The following PLCB4 variants were observed in gnomAD, a reference collection of about 807,000 sequenced individuals.
PLCB4 encodes phospholipase C beta 4.
PLCB4 carries 77 observed loss-of-function variants against 178.8 expected under a neutral mutation model. The ratio of observed to expected loss-of-function variants is 0.43; its 90% CI spans 0.36 to 0.52. PLCB4 has a LOEUF of 0.52. PLCB4 is among the 20% of genes least tolerant of loss of function. The pLI is 0.00. For synonymous variants in PLCB4, 496 were observed against 490.8 expected (o/e 1.01, Z -0.14); for missense variants, 1,024 against 1,453.4 (o/e 0.70, Z 4.80).
intron 2 of PLCB4, among the ~76,000 whole-genome samples, chr20:9,167,577 AGCCATT>A (rs957580497): frequency 1.3e-5 from 2 of 152,206 alleles, no homozygotes; most frequent in African/African-American, 4.8e-5. Flanking sequence ...AAAGTTAATG[AGCCATT>A]ATGTAAAATT....
chr20:9,197,306 A>G (rs2093484181), intron 2 of PLCB4, among the ~76,000 whole-genome samples: 1 of 152,164 alleles, frequency 6.6e-6, no homozygotes, highest in African/African-American at 2.4e-5. Context: ...GCTGTCCAAT[A>G]TGGGCACCAC....
chr20:9,268,915 T>C (rs2040041608), intron 3 of PLCB4, among the ~76,000 whole-genome samples: 1 of 152,346 alleles, frequency 6.6e-6, no homozygotes, highest in Middle Eastern at 3.4e-3. Flanking sequence ...ATCCTCATTG[T>C]TGCATTTCTC....
chr20:9,335,925 A>T (rs962097980), intron 4 of PLCB4, among the ~76,000 whole-genome samples: 13 of 152,058 alleles, frequency 8.5e-5, no homozygotes, highest in Admixed American at 2.6e-4. Flanking sequence ...TTGTTCAGGG[A>T]CCCCTAGGAC....
At chr20:9,334,249 A>C (rs1256833746) in intron 4 of PLCB4, among the ~76,000 whole-genome samples, 1 of 152,154 alleles carries the variant, frequency 6.6e-6, no homozygotes, top group African/African-American at 2.4e-5. Flanking sequence ...AGATCAACTC[A>C]GGTGAGGAAA....
chr20:9,187,825 A>G (rs2093349486), intron 2 of PLCB4, among the ~76,000 whole-genome samples: 1 of 152,206 alleles, frequency 6.6e-6, no homozygotes, highest in African/African-American at 2.4e-5. Context: ...AGAAGATTCA[A>G]GGGTGGGTTG....
At chr20:9,206,001 C>A (rs1412321176) in intron 2 of PLCB4, among the ~76,000 whole-genome samples, 1 of 152,062 alleles carries the variant, frequency 6.6e-6, no homozygotes, top group African/African-American at 2.4e-5. Context: ...TGTAATGATG[C>A]CACTAGAAAG....
intron 3 of PLCB4, among the ~76,000 whole-genome samples, chr20:9,233,059 A>G (rs997632991): frequency 1.3e-5 from 2 of 152,136 alleles, no homozygotes; most frequent in Admixed American, 6.6e-5. Context: ...AAGGCTGACA[A>G]TGCCAAAATG....
chr20:9,235,078 A>C (rs1249788962), intron 3 of PLCB4, among the ~76,000 whole-genome samples: 1 of 152,162 alleles, frequency 6.6e-6, no homozygotes, highest in East Asian at 1.9e-4. Context: ...TGTGATGGAC[A>C]ATGGAATATA....
chr20:9,411,010 T>C (rs751046061), intron 24 of PLCB4, 27 bp from the exon 25 acceptor site: 1 of 1,577,322 alleles, frequency 6.3e-7, no homozygotes, highest in South Asian at 1.1e-5. Flanking sequence ...GAAGACAAGA[T>C]GCTAAATTAT....
chr20:9,406,741 C>T (rs1319015556), intron 21 of PLCB4, among the ~76,000 whole-genome samples: 1 of 152,070 alleles, frequency 6.6e-6, no homozygotes, highest in Non-Finnish European at 1.5e-5. Flanking sequence ...ATGATCCACC[C>T]GCCTCAGCCT....
At chr20:9,136,291 C>A (rs758297875) in intron 2 of PLCB4, among the ~76,000 whole-genome samples, 4 of 152,004 alleles carry the variant, frequency 2.6e-5, no homozygotes, top group Non-Finnish European at 5.9e-5. Context: ...CTGGGAAGCA[C>A]CCGTAGGGGA....
In PLCB4 at chr20:9,288,852, A is replaced by T. The variant is rs537921248; in HGVS notation, c.-15-18948A>T. Among the ~76,000 whole-genome samples the T allele has an allele frequency of 3.9e-5, 6 of 152,256 alleles. No homozygotes were observed. The South Asian group carries it at 6.2e-4, about 16-fold the overall frequency. On this transcript the variant is annotated intron_variant, in intron 3 of 39. Coordinates refer to ENST00000378473, the MANE Select transcript of PLCB4 (RefSeq NM_001377142.1). The stretch of plus-strand genomic sequence containing the variant: ...GAACAGAACATATATGCTAGATTCC[A>T]TATTTTAAGACATTTACAGTGAGTT...
At chr20:9,074,787 T>A in intron 1 of PLCB4, among the ~76,000 whole-genome samples, 1 of 86,170 alleles carries the variant, frequency 1.2e-5, no homozygotes, top group African/African-American at 5.6e-5. Flanking sequence ...GTCTCCCAGC[T>A]AGGCTTTTTT....
intron 1 of PLCB4, among the ~76,000 whole-genome samples, chr20:9,077,971 C>T (rs1430839744): frequency 6.6e-6 from 1 of 152,030 alleles, no homozygotes; most frequent in African/African-American, 2.4e-5. Flanking sequence ...GTCCTTGACT[C>T]TTATTTTTTT....
intron 4 of PLCB4, among the ~76,000 whole-genome samples, chr20:9,334,996 G>A (rs1601913687): frequency 6.6e-6 from 1 of 152,066 alleles, no homozygotes; most frequent in East Asian, 1.9e-4. Flanking sequence ...TTTATTATTT[G>A]TATTTCATGA....
intron 2 of PLCB4, among the ~76,000 whole-genome samples, chr20:9,162,957 A>G (rs1011385004): frequency 6.6e-6 from 1 of 152,080 alleles, no homozygotes; most frequent in South Asian, 2.1e-4. Context: ...TTGTATTTTT[A>G]CCAATTTCTG....
chr20:9,299,069 C>T (rs1322450354), intron 3 of PLCB4, among the ~76,000 whole-genome samples: 1 of 151,978 alleles, frequency 6.6e-6, no homozygotes, highest in Non-Finnish European at 1.5e-5. Flanking sequence ...TAACTCCTTA[C>T]TAAGTAATGA....
At chr20:9,074,113 T>A (rs1423945249) in intron 1 of PLCB4, among the ~76,000 whole-genome samples, 2 of 152,160 alleles carry the variant, frequency 1.3e-5, no homozygotes, top group Non-Finnish European at 1.5e-5. Context: ...ACAAATGCCC[T>A]GTTTTAGCTT....
At chr20:9,275,591 C>T (rs2094443670) in intron 3 of PLCB4, among the ~76,000 whole-genome samples, 1 of 152,170 alleles carries the variant, frequency 6.6e-6, no homozygotes, top group Admixed American at 6.6e-5. Flanking sequence ...TCATACCACA[C>T]ATGTCATTCC....
Sources: gnomAD v4.1 joint callset for allele counts (sites outside exome capture counted in the v4.1 genomes callset) on GRCh38, gnomAD v4.1.1 for gene constraint, MANE v1.5 for transcripts, NCBI Gene and HGNC (gene_info 2026-07-23, HGNC 2026-07-21) for gene names.